The following TNKS1BP1 variants were observed in gnomAD, a reference collection of about 807,000 sequenced individuals.
TNKS1BP1 encodes the protein 182 kDa tankyrase-1-binding protein.
TNKS1BP1 carries 48 observed loss-of-function variants against 141.1 expected under a neutral mutation model. The observed-to-expected ratio is 0.34, with a 90% CI of 0.27 to 0.43. The LOEUF (loss-of-function observed/expected upper bound fraction) is 0.43. TNKS1BP1 is among the 20% of genes least tolerant of loss of function. TNKS1BP1 has a pLI of 1.00. For synonymous variants in TNKS1BP1, 875 were observed against 898.2 expected (o/e 0.97, Z 0.46); for missense variants, 2,149 against 2,226.0 (o/e 0.97, Z 0.70).
At chr11:57,301,174 A>C in intron 9 of TNKS1BP1, 133 bp from the exon 10 acceptor site, 3 of 927,074 alleles carry the variant, frequency 3.2e-6, no homozygotes, top group Non-Finnish European at 4.6e-6. Flanking sequence ...TTTCACCCCA[A>C]AGGATGGGAA....
chr11:57,301,097 CA>C, intron 9 of TNKS1BP1, 56 bp from the exon 10 acceptor site: 1 of 1,510,098 alleles, frequency 6.6e-7, no homozygotes, highest in Non-Finnish European at 8.9e-7. Flanking sequence ...GTAGGACTCT[CA>C]GGGGGTAAGA....
rs201868001 is a variant in TNKS1BP1 at position 57,308,543 on chromosome 11, C to T, written c.4168G>A (p.Ala1390Thr). The part of the protein sequence containing the change: ...HNGSLSPGLE[A>T]RDPLEARELG... ...TCCCTGGCCTCCAAGGGGTCTCTGG[C>T]CTCCAGGCCAGGAGACAAGCTGCCA... Residue 1390 changes from alanine (A) to threonine (T), a missense_variant, in exon 6 of 12, where the codon GCC (alanine) becomes ACC (threonine). By Grantham distance (58) the Ala-to-Thr change is moderately conservative. Transcript: ENST00000358252. The T allele has an allele frequency of 4.0e-5, 64 of 1,614,064 alleles. No individual in the cohort carries two copies. Among genetic ancestry groups the T allele is most frequent in the Middle Eastern group, 1.6e-4 (1 of 6,082 alleles).
chr11:57,311,931 G>A (rs1168627859), intron 5 of TNKS1BP1, among the ~76,000 whole-genome samples: 2 of 152,242 alleles, frequency 1.3e-5, no homozygotes, highest in Non-Finnish European at 2.9e-5. Context: ...GGATGAGCCA[G>A]GCACTATTCT....
rs143273092 is a variant in TNKS1BP1 at position 57,310,208 on chromosome 11, G to A, written c.2503C>T (p.Arg835Trp). The stretch of plus-strand genomic sequence containing the variant: ...TCCTGAACATCTGCCTCCTGGCTCC[G>A]CTGAGTGCCAAGCTGGGCTGGCTTT... ...VGKPAQLGTQ[R>W]SQEADVQDWE... Residue 835 changes from arginine to tryptophan, a missense_variant, in exon 6 of 12, where the codon CGG (arginine) becomes TGG (tryptophan). Physicochemically the swap from Arg to Trp is moderately radical, Grantham distance 101. Transcript: ENST00000358252. 5.2e-5 allele frequency: 84 copies of A among 1,614,144 alleles called. No homozygotes were observed. Among genetic ancestry groups the A allele is most frequent in the African/African-American group, 4.9e-4 (37 of 75,030 alleles).
In TNKS1BP1 at chr11:57,313,725, C is replaced by G; in HGVS notation, c.963G>C (p.Gln321His). The G allele has an allele frequency of 6.3e-7, 1 of 1,595,024 alleles. No individual in the cohort carries two copies. Among genetic ancestry groups the G allele is most frequent in the Non-Finnish European group, 8.5e-7 (1 of 1,171,186 alleles). ...SPCHSQLLEA[Q>H]TPEASQASPC... ...GAGAAGCCTGGGAAGCTTCAGGAGT[C>G]TGGGCTTCCAGAAGCTGTGAGTGGC... The change falls in exon 5 of 12, where the codon CAG becomes CAC. Residue 321 changes from glutamine to histidine, a missense_variant. Coordinates refer to ENST00000358252, the MANE Select transcript of TNKS1BP1 (RefSeq NM_033396.3).
rs759381339 is a variant in TNKS1BP1 at position 57,301,824 on chromosome 11, TCAGGCCAGG to T, written c.4945_4953del (p.Pro1649_Leu1651del). On this transcript the variant is annotated inframe_deletion, in exon 9 of 12. Coordinates refer to ENST00000358252, the MANE Select transcript of TNKS1BP1 (RefSeq NM_033396.3). ...GATGGTACCTTCAGGGCTGAGGGGCTCAGGCCAGGAAAGAGGTTGACTTTCAGCCCCTTG... is the reference window on the plus strand; with the variant it reads ...GATGGTACCTTCAGGGCTGAGGGGCTAAAGAGGTTGACTTTCAGCCCCTTG... 1.3e-5 allele frequency: 21 copies of T among 1,613,928 alleles called. No individual in the cohort carries two copies. In the South Asian group the frequency reaches 2.2e-4, roughly 17 times the overall value.
At position 57,302,429 on chromosome 11, in the gene TNKS1BP1, C is replaced by T. The variant is rs1565037356; in HGVS notation, c.4683+30G>A. 6.4e-7 allele frequency: 1 copy of T among 1,562,900 alleles called. No individual in the cohort carries two copies. ...GCTCTCGCTGCATCGCCCTCACCCA[C>T]CCACTGTCATGGGCTCACCCTCCAC... On this transcript the variant is annotated intron_variant, in intron 7 of 11. Coordinates refer to ENST00000358252, the MANE Select transcript of TNKS1BP1 (RefSeq NM_033396.3). This position sits in a 1 kb window ranked among gnomAD's most constrained non-coding sequence, Gnocchi z 5.5.
At position 57,300,875 on chromosome 11, in the gene TNKS1BP1, G is replaced by T. The variant is rs933107704; in HGVS notation, c.5129+9C>A. ...AGGTCAGCGGATGCCCAGAGCTTAG[G>T]TCACCTACCCTGAGGATTTCTCTGG... On this transcript the variant is annotated intron_variant, in intron 10 of 11. Transcript: ENST00000358252. 9 of 1,611,980 alleles carry T rather than the reference G, an allele frequency of 5.6e-6. No individual in the cohort carries two copies. Among genetic ancestry groups the T allele is most frequent in the Non-Finnish European group, 7.6e-6 (9 of 1,178,620 alleles).
chr11:57,321,439 G>A (rs915648819), intron 2 of TNKS1BP1, among the ~76,000 whole-genome samples: 1 of 151,962 alleles, frequency 6.6e-6, no homozygotes, highest in South Asian at 2.1e-4. Context: ...CTAAATAGAA[G>A]AAAAGAGTCT....
intron 4 of TNKS1BP1, among the ~76,000 whole-genome samples, chr11:57,315,496 T>C (rs1855784940): frequency 1.3e-5 from 2 of 152,144 alleles, no homozygotes; most frequent in Non-Finnish European, 2.9e-5. Flanking sequence ...AGTAGCTGCA[T>C]GTGGCTGGAT....
At chr11:57,324,660 T>G (rs1471732002) in intron 1 of TNKS1BP1, among the ~76,000 whole-genome samples, 180 bp downstream of exon 1, 1 of 148,560 alleles carries the variant, frequency 6.7e-6, no homozygotes, top group Non-Finnish European at 1.5e-5. Flanking sequence ...CGCGCCACCT[T>G]CCCCCGGGCC....
chr11:57,321,078 T>G (rs78252356), intron 2 of TNKS1BP1, among the ~76,000 whole-genome samples: 3,901 of 152,298 alleles, frequency 0.026, 170 homozygotes, highest in African/African-American at 0.09. Context: ...TGCCTGTCCC[T>G]ATCAAGCAGT....
chr11:57,307,443 C>G (rs1169289710), intron 6 of TNKS1BP1, among the ~76,000 whole-genome samples: 1 of 152,064 alleles, frequency 6.6e-6, no homozygotes, highest in Admixed American at 6.5e-5. Context: ...GCCCATCTTC[C>G]TCTCTCCCTT....
At chr11:57,306,245 T>C (rs151200605) in intron 6 of TNKS1BP1, among the ~76,000 whole-genome samples, 55 of 149,286 alleles carry the variant, frequency 3.7e-4, no homozygotes, top group Middle Eastern at 3.6e-3. Context: ...ACCACTGCAC[T>C]TCAGGCTGGG....
At chr11:57,314,471 G>A (rs1426511066) in intron 4 of TNKS1BP1, among the ~76,000 whole-genome samples, 1 of 152,158 alleles carries the variant, frequency 6.6e-6, no homozygotes, top group Non-Finnish European at 1.5e-5. Flanking sequence ...GACAGCGCCT[G>A]GCTTGAGCCG....
intron 3 of TNKS1BP1, 32 bp downstream of exon 3, chr11:57,320,047 T>C (rs1590595700): frequency 5.0e-6 from 5 of 993,882 alleles, no homozygotes; most frequent in Non-Finnish European, 7.2e-6. Flanking sequence ...ACCTCCAGGC[T>C]GCCACAAAAT....
At chr11:57,306,915 T>TG (rs1855621602) in intron 6 of TNKS1BP1, among the ~76,000 whole-genome samples, 1 of 22,566 alleles carries the variant, frequency 4.4e-5, no homozygotes, top group Non-Finnish European at 1.0e-4. Flanking sequence ...GGGGGGGGGG[T>TG]TGGGTGGGAG....
At chr11:57,320,018 C>CCCCCCCCCCCGGCCA in intron 3 of TNKS1BP1, 61 bp downstream of exon 3, 1 of 1,185,434 alleles carries the variant, frequency 8.4e-7, no homozygotes, top group Non-Finnish European at 1.2e-6. Context: ...CCAGCCCCCA[C>CCCCCCCCCCCGGCCA]CCAATCCCAC....
chr11:57,310,568 A>T lies in TNKS1BP1; in HGVS notation c.2155-12T>A. The T allele has an allele frequency of 6.3e-7, 1 of 1,575,428 alleles. No homozygotes were observed. Among genetic ancestry groups the T allele is most frequent in the Non-Finnish European group, 8.5e-7 (1 of 1,170,344 alleles). ...CAGCCAAGGAGTCCCTGGGAATAAG[A>T]AAAAAAAACAGACAAAGAAACAACG... On this transcript the variant is annotated splice_polypyrimidine_tract_variant and intron_variant, in intron 5 of 11. Transcript: ENST00000358252.
Sources: allele counts gnomAD v4.1 joint callset (sites outside exome capture counted in the v4.1 genomes callset), GRCh38; gene constraint gnomAD v4.1.1; non-coding constraint Gnocchi (gnomAD v3.1); transcripts MANE v1.5; gene names NCBI Gene and HGNC (gene_info 2026-07-23, HGNC 2026-07-21).